The following CADPS2 variants were observed in gnomAD, a reference collection of about 807,000 sequenced individuals.
The protein encoded by CADPS2 is calcium-dependent secretion activator 2.
Under a neutral mutation model 172.5 loss-of-function variants are expected in CADPS2, and 93 were observed. That is an observed-to-expected ratio of 0.54 (90% CI 0.46 to 0.64). The LOEUF (loss-of-function observed/expected upper bound fraction) is 0.64, where lower values mean the gene tolerates loss of function less well. Ranked by LOEUF, CADPS2 falls within the 30% of genes least tolerant of loss-of-function variation. The probability of loss-of-function intolerance (pLI) is 0.00; values close to 1 mark genes in which losing one functional copy is unlikely to be tolerated. For missense variants in CADPS2, 1,420 were observed against 1,565.9 expected, an observed-to-expected ratio of 0.91 and a Z score of 1.57; for synonymous variants, 546 against 555.2, an observed-to-expected ratio of 0.98 and a Z score of 0.23.
At chr7:122,853,426 T>A (rs1228170405) in intron 1 of CADPS2, among the ~76,000 whole-genome samples, 2 of 152,120 alleles carry the variant, frequency 1.3e-5, no homozygotes, top group Admixed American at 1.3e-4. Context: ...ACCAGGCAGC[T>A]CCCTTGTTGG....
At chr7:122,766,135 C>T (rs1338246879) in intron 1 of CADPS2, among the ~76,000 whole-genome samples, 1 of 151,994 alleles carries the variant, frequency 6.6e-6, no homozygotes, top group Non-Finnish European at 1.5e-5. Flanking sequence ...AGAAAAGGAA[C>T]ACCACACTCT....
chr7:122,455,010 T>C (rs1415007881), intron 14 of CADPS2, among the ~76,000 whole-genome samples: 1 of 152,182 alleles, frequency 6.6e-6, no homozygotes, highest in African/African-American at 2.4e-5. Context: ...ATGACAGTAT[T>C]CCTTGACTCA....
At chr7:122,816,583 T>C (rs1229382096) in intron 1 of CADPS2, among the ~76,000 whole-genome samples, 2 of 152,218 alleles carry the variant, frequency 1.3e-5, no homozygotes, top group South Asian at 4.1e-4. Context: ...AGTAGTTCTA[T>C]TTTTAGTTTT....
chr7:122,487,381 T>C (rs747864605), intron 11 of CADPS2, among the ~76,000 whole-genome samples: 2 of 152,126 alleles, frequency 1.3e-5, no homozygotes, highest in Admixed American at 1.3e-4. Context: ...ATTCATCTTA[T>C]TGCAGTGGTC....
chr7:122,641,400 G>A (rs1563935890), intron 3 of CADPS2, among the ~76,000 whole-genome samples: 1 of 152,098 alleles, frequency 6.6e-6, no homozygotes, highest in Non-Finnish European at 1.5e-5. Context: ...CTCGGTTAGG[G>A]AATTCTTGAA....
chr7:122,671,523 A>C (rs1355129571), intron 2 of CADPS2, among the ~76,000 whole-genome samples: 1 of 152,104 alleles, frequency 6.6e-6, no homozygotes, highest in Admixed American at 6.6e-5. Flanking sequence ...GCTGCAGTGA[A>C]CCATGCACTC....
intron 3 of CADPS2, among the ~76,000 whole-genome samples, chr7:122,641,676 C>A (rs962354263): frequency 6.6e-6 from 1 of 152,106 alleles, no homozygotes; most frequent in African/African-American, 2.4e-5. Flanking sequence ...CTTACACTTA[C>A]AGAGATTTTC....
chr7:122,833,882 A>G (rs893928957), intron 1 of CADPS2, among the ~76,000 whole-genome samples: 5 of 152,226 alleles, frequency 3.3e-5, no homozygotes, highest in Admixed American at 2.6e-4. Flanking sequence ...ATTAACAATA[A>G]AAGTCTTTGA....
intron 2 of CADPS2, among the ~76,000 whole-genome samples, chr7:122,678,198 T>C: frequency 6.6e-6 from 1 of 152,146 alleles, no homozygotes; most frequent in East Asian, 1.9e-4. Context: ...AAAAAGAAAA[T>C]ACAAGGACTT....
chr7:122,670,102 T>G (rs2081637756), intron 2 of CADPS2, among the ~76,000 whole-genome samples: 2 of 151,956 alleles, frequency 1.3e-5, no homozygotes. Flanking sequence ...CAAACAGCCT[T>G]GCAACTGCTT....
chr7:122,392,025 A>G (rs2044433239), intron 22 of CADPS2, among the ~76,000 whole-genome samples: 1 of 152,164 alleles, frequency 6.6e-6, no homozygotes, highest in Admixed American at 6.6e-5. Flanking sequence ...TGAGGTTGTT[A>G]TAAAGATTAA....
chr7:122,673,742 C>G (rs1399831088), intron 2 of CADPS2, among the ~76,000 whole-genome samples: 1 of 152,270 alleles, frequency 6.6e-6, no homozygotes, highest in Non-Finnish European at 1.5e-5. Context: ...AGGGGCCCAA[C>G]TGGCTTCGCC....
At chr7:122,569,520 G>A (rs2066912360) in intron 7 of CADPS2, among the ~76,000 whole-genome samples, 1 of 146,320 alleles carries the variant, frequency 6.8e-6, no homozygotes, top group South Asian at 2.2e-4. Flanking sequence ...TCACAGAATT[G>A]GAAAAAACTA....
intron 2 of CADPS2, among the ~76,000 whole-genome samples, chr7:122,696,945 T>A (rs1010916209): frequency 1.3e-5 from 2 of 152,128 alleles, no homozygotes; most frequent in African/African-American, 4.8e-5. Context: ...GACCATATCA[T>A]AATAATAATA....
intron 6 of CADPS2, among the ~76,000 whole-genome samples, chr7:122,607,490 GT>G (rs2073733555): frequency 6.6e-6 from 1 of 152,068 alleles, no homozygotes; most frequent in Admixed American, 6.6e-5. Context: ...CGAAAAAACT[GT>G]CACAGTATAT....
At chr7:122,746,913 G>A (rs13232111) in intron 1 of CADPS2, among the ~76,000 whole-genome samples, 34,701 of 152,040 alleles carry the variant, frequency 0.23, 4,158 homozygotes, top group Middle Eastern at 0.31. Flanking sequence ...GGCAAGTCTT[G>A]TTGGTCATTA....
rs1387419279 is a variant in CADPS2, at chr7:122,554,619, C to T, written c.1406G>A (p.Ser469Asn). 2 of 1,611,578 alleles carry T rather than the reference C, an allele frequency of 1.2e-6. No individual in the cohort carries two copies. The highest frequency in any genetic ancestry group is 1.7e-6 in the Non-Finnish European group (2 of 1,178,732). The change falls in exon 8 of 30, where the codon AGC (serine) becomes AAC (asparagine). Residue 469 changes from serine (S) to asparagine (N), a missense_variant. By Grantham distance (46) the Ser-to-Asn change is conservative. Transcript: ENST00000449022. Reference sequence around the variant, plus strand: ...TTTGATTTTTAAGTCAGAATCCTGGCTATTTTTTGGAACTACCATTCGGTG... The same window carrying T: ...TTTGATTTTTAAGTCAGAATCCTGGTTATTTTTTGGAACTACCATTCGGTG... ...ELHRMVVPKNSQDSDLKIKLA... is the reference protein window; with the variant it reads ...ELHRMVVPKNNQDSDLKIKLA...
intron 6 of CADPS2, among the ~76,000 whole-genome samples, chr7:122,595,773 A>G (rs968611457): frequency 2.0e-5 from 3 of 152,096 alleles, no homozygotes; most frequent in South Asian, 2.1e-4. Flanking sequence ...AATGGGAGCA[A>G]TAGGGAAAGT....
rs1271477509 is a variant in CADPS2, at chr7:122,318,654, G to A, written c.*1511C>T. 6.6e-6 allele frequency: 1 copy of A among 152,164 alleles called. No homozygotes were observed. The highest frequency in any genetic ancestry group is 1.5e-5 in the Non-Finnish European group (1 of 68,036). The allele number at this position is 152,164 out of a possible 1,614,324, so 9.4% of individuals were successfully genotyped here. The stretch of plus-strand genomic sequence containing the variant: ...CTTTCAAAGATAGTGAGTTGGTAGA[G>A]TTAGTCTTTAATCCCGGAAGAAGGA... On this transcript the variant is annotated 3_prime_UTR_variant, in exon 30 of 30. Transcript: ENST00000449022.
Sources: gnomAD v4.1 joint callset for allele counts (sites outside exome capture counted in the v4.1 genomes callset) on GRCh38, gnomAD v4.1.1 for gene constraint, MANE v1.5 for transcripts, NCBI Gene and HGNC (gene_info 2026-07-23, HGNC 2026-07-21) for gene names.